The following LINC00632 variants were observed in gnomAD, a reference collection of about 807,000 sequenced individuals.
LINC00632 encodes the protein long independently transcribed non-coding RNA 632.
At chrX:140,753,767 TC>T (rs1931447412) in intron 3 of LINC00632, among the ~76,000 whole-genome samples, 5 of 94,717 alleles carry the variant, frequency 5.3e-5, no homozygotes, top group African/African-American at 1.3e-4. Context: ...TTTCTTTCTT[TC>T]TTTTTTTTTT....
chrX:140,777,743 A>T (rs1931891307), exon 5 of LINC00632, among the ~76,000 whole-genome samples: 1 of 112,463 alleles, frequency 8.9e-6, no homozygotes, highest in Non-Finnish European at 1.9e-5. Flanking sequence ...GAATGGTCTT[A>T]TTCAAGTCAC....
intron 3 of LINC00632, among the ~76,000 whole-genome samples, chrX:140,761,039 T>C (rs1009098205): frequency 1.8e-5 from 2 of 112,432 alleles, no homozygotes; most frequent in Non-Finnish European, 3.8e-5. Context: ...CAAGTAACAC[T>C]AAAATATTGT....
intron 2 of LINC00632, among the ~76,000 whole-genome samples, chrX:140,715,088 A>G (rs1930600288): frequency 9.0e-6 from 1 of 111,241 alleles, no homozygotes; most frequent in Non-Finnish European, 1.9e-5. Context: ...ATTCTACAAC[A>G]GACACACTCA....
At chrX:140,746,154 A>AT (rs1288228178) in intron 3 of LINC00632, among the ~76,000 whole-genome samples, 1 of 112,600 alleles carries the variant, frequency 8.9e-6, no homozygotes, top group Non-Finnish European at 1.9e-5. Context: ...TTGTGGAATG[A>AT]TTAACTCAAA....
chrX:140,711,085 A>G (rs1930505467), intron 1 of LINC00632, among the ~76,000 whole-genome samples: 1 of 111,546 alleles, frequency 9.0e-6, no homozygotes, highest in African/African-American at 3.3e-5. Flanking sequence ...GTTTTGCGTG[A>G]TCCTCCACTG....
At chrX:140,731,402 G>T (rs1166011496) in intron 2 of LINC00632, among the ~76,000 whole-genome samples, 1 of 111,710 alleles carries the variant, frequency 9.0e-6, no homozygotes, top group Non-Finnish European at 1.9e-5. Context: ...GTATTGAAAT[G>T]CTCTGTGGTA....
intron 3 of LINC00632, among the ~76,000 whole-genome samples, chrX:140,768,007 G>A (rs995170663): frequency 1.6e-4 from 18 of 111,584 alleles, no homozygotes; most frequent in African/African-American, 5.9e-4. Context: ...GAGTTTTGGA[G>A]GAGACAGACA....
At chrX:140,743,871 CTG>C (rs1410009320) in intron 3 of LINC00632, among the ~76,000 whole-genome samples, 1 of 111,571 alleles carries the variant, frequency 9.0e-6, no homozygotes, top group Non-Finnish European at 1.9e-5. Context: ...TTGCTACTGA[CTG>C]TGTAGACCTG....
chrX:140,745,014 G>A (rs2148390738), intron 3 of LINC00632, among the ~76,000 whole-genome samples: 1 of 110,813 alleles, frequency 9.0e-6, no homozygotes, highest in African/African-American at 3.3e-5. Flanking sequence ...TTATGATATA[G>A]GAAAAATTTC....
At chrX:140,761,303 T>G (rs983811909) in intron 3 of LINC00632, among the ~76,000 whole-genome samples, 1 of 112,465 alleles carries the variant, frequency 8.9e-6, no homozygotes, top group Non-Finnish European at 1.9e-5. Context: ...AATCTGGTAC[T>G]TGGTCATCAC....
intron 3 of LINC00632, among the ~76,000 whole-genome samples, chrX:140,768,229 A>C (rs181255952): frequency 1.6e-4 from 18 of 111,097 alleles, no homozygotes; most frequent in Admixed American, 5.9e-4. Flanking sequence ...TAAGGCCAAA[A>C]TATGATCAGG....
At chrX:140,771,873 G>A (rs1931805150) in intron 3 of LINC00632, among the ~76,000 whole-genome samples, 1 of 107,513 alleles carries the variant, frequency 9.3e-6, no homozygotes, top group Non-Finnish European at 1.9e-5. Context: ...GTAGAGACGG[G>A]GTTTCGCCAC....
exon 5 of LINC00632, among the ~76,000 whole-genome samples, chrX:140,788,869 C>T (rs779389453): frequency 1.3e-5 from 1 of 75,617 alleles, no homozygotes; most frequent in African/African-American, 4.3e-5. Flanking sequence ...TATGCATATT[C>T]CATATATATA....
At chrX:140,720,496 G>A (rs1280096186) in intron 2 of LINC00632, among the ~76,000 whole-genome samples, 3 of 110,939 alleles carry the variant, frequency 2.7e-5, no homozygotes, top group Non-Finnish European at 3.8e-5. Context: ...ACAACATAAC[G>A]ACTAATCCCA....
intron 1 of LINC00632, among the ~76,000 whole-genome samples, chrX:140,711,304 CTG>C (rs1414074595): frequency 9.0e-6 from 1 of 111,393 alleles, no homozygotes; most frequent in Admixed American, 9.6e-5. Flanking sequence ...AATCTTATTA[CTG>C]TCAGTCTCTT....
At chrX:140,768,286 A>G (rs1931725015) in intron 3 of LINC00632, among the ~76,000 whole-genome samples, 2 of 110,245 alleles carry the variant, frequency 1.8e-5, no homozygotes, top group East Asian at 2.8e-4. Flanking sequence ...AAAACATATT[A>G]GTTCCATTTC....
intron 3 of LINC00632, among the ~76,000 whole-genome samples, chrX:140,768,537 CATATA>C (rs1049459841): frequency 4.0e-5 from 4 of 99,286 alleles, no homozygotes; most frequent in East Asian, 3.0e-4. Context: ...ATATATAACA[CATATA>C]ATATATATAC....
At chrX:140,779,735 T>G in exon 5 of LINC00632, among the ~76,000 whole-genome samples, 1 of 112,465 alleles carries the variant, frequency 8.9e-6, no homozygotes, top group Non-Finnish European at 1.9e-5. Flanking sequence ...CATTTCATCT[T>G]TCTTGCATTG....
chrX:140,784,958 A>T (rs1434173001), exon 5 of LINC00632: 1 of 123,267 alleles, frequency 8.1e-6, no homozygotes, highest in Non-Finnish European at 1.9e-5. Context: ...AAACTTCTGC[A>T]GAATAAACAG....
Sources: allele counts gnomAD v4.1 joint callset (sites outside exome capture counted in the v4.1 genomes callset), GRCh38; gene constraint gnomAD v4.1.1; transcripts MANE v1.5; gene names NCBI Gene and HGNC (gene_info 2026-07-23, HGNC 2026-07-21).